Variants in PCDHGA6 observed in about 807,000 individuals in gnomAD.
PCDHGA6 encodes protocadherin gamma-A6.
In PCDHGA6, 41 loss-of-function variants were observed where a neutral mutation model predicts 60.6. That is an observed-to-expected ratio of 0.68 (90% CI 0.53 to 0.88). PCDHGA6 has a LOEUF of 0.88. Among genes scored for constraint, PCDHGA6 ranks in the 40% least tolerant of loss-of-function variants. The probability of loss-of-function intolerance (pLI) is 0.00; values close to 1 mark genes in which losing one functional copy is unlikely to be tolerated. For synonymous variants in PCDHGA6, 594 were observed against 524.4 expected (o/e 1.13, Z -1.81); for missense variants, 1,312 against 1,203.0 (o/e 1.09, Z -1.34).
At chr5:141,381,878 G>A (rs1777712402) in intron 1 of PCDHGA6, among the ~76,000 whole-genome samples, 2 of 129,172 alleles carry the variant, frequency 1.5e-5, no homozygotes, top group South Asian at 4.9e-4. Flanking sequence ...TGTCCAGGCT[G>A]GAGTGCAATG....
rs1427742903 is a variant in PCDHGA6 at position 141,477,916 on chromosome 5, A to G, written c.2425-16891A>G. On this transcript the variant is annotated intron_variant, in intron 1 of 3. Coordinates refer to ENST00000517434, the MANE Select transcript of PCDHGA6 (RefSeq NM_018919.3). This position sits in a 1 kb window ranked among gnomAD's most constrained non-coding sequence, Gnocchi z 4.9. ...GGGTGGTAGGCTGGGACGCGGATGC[A>G]GGGCACAATGCCTGGCTCTCCTACA... The G allele has an allele frequency of 1.2e-6, 2 of 1,614,042 alleles. No homozygotes were observed. The highest frequency in any genetic ancestry group is 2.7e-5 in the African/African-American group (2 of 74,932).
chr5:141,455,093 T>C (rs2098812615), intron 1 of PCDHGA6, among the ~76,000 whole-genome samples: 1 of 152,060 alleles, frequency 6.6e-6, no homozygotes, highest in African/African-American at 2.4e-5. Context: ...ATTACAGGCT[T>C]GAGCCACTGC....
rs199507728 is a variant in PCDHGA6, at chr5:141,422,807, G to A, written c.2424+46300G>A. On this transcript the variant is annotated intron_variant, in intron 1 of 3. Coordinates refer to ENST00000517434, the MANE Select transcript of PCDHGA6 (RefSeq NM_018919.3). ...CAATCCTTCGACTATGAGCAGTTTC[G>A]AGACTTAGAACTGAGAGTGATAGCA... 1.9e-3 allele frequency: 3,146 copies of A among 1,614,198 alleles called. 36 individuals are homozygous for A. The highest frequency in any genetic ancestry group is 0.018 in the South Asian group (1,680 of 91,084).
At chr5:141,467,920 A>G (rs1244280087) in intron 1 of PCDHGA6, among the ~76,000 whole-genome samples, 1 of 152,124 alleles carries the variant, frequency 6.6e-6, no homozygotes, top group Non-Finnish European at 1.5e-5. Flanking sequence ...CAGCCTCCCA[A>G]AATGCTAGGA....
intron 1 of PCDHGA6, chr5:141,392,892 G>A (rs2092623669): frequency 6.2e-7 from 1 of 1,613,702 alleles, no homozygotes; most frequent in Non-Finnish European, 8.5e-7. Context: ...GTGGGAAATC[G>A]GGAGGGGACA....
At position 141,431,416 on chromosome 5, in the gene PCDHGA6, C is replaced by T. The variant is rs778722151; in HGVS notation, c.2424+54909C>T. Reference sequence around the variant, plus strand: ...TCCTTACGGCCTCCGACGGGGGCGACCCGGTGCGCACAGGCACCGCGCGCA... The same window carrying T: ...TCCTTACGGCCTCCGACGGGGGCGATCCGGTGCGCACAGGCACCGCGCGCA... On this transcript the variant is annotated intron_variant, in intron 1 of 3. Transcript: ENST00000517434. This position sits in a 1 kb window ranked among gnomAD's most constrained non-coding sequence, Gnocchi z 4.8. 2.5e-6 allele frequency: 4 copies of T among 1,613,714 alleles called. No homozygotes were observed. Among genetic ancestry groups the T allele is most frequent in the Admixed American group, 1.7e-5 (1 of 60,028 alleles).
chr5:141,400,322 G>T lies in PCDHGA6; in HGVS notation c.2424+23815G>T, dbSNP rs1025265322. The stretch of plus-strand genomic sequence containing the variant: ...CAACCTGGTCTCTGTGTCAAGTCTG[G>T]ACCTGTGGTTCCCCCCAACTACAGT... On this transcript the variant is annotated intron_variant, in intron 1 of 3. Transcript: ENST00000517434. 1.9e-6 allele frequency: 3 copies of T among 1,613,952 alleles called. No homozygotes were observed. In the African/African-American group the frequency reaches 4.0e-5, roughly 22 times the overall value.
In PCDHGA6 at chr5:141,512,009, CAAGTT is replaced by C. The variant is rs1409890580; in HGVS notation, c.*838_*842del. On this transcript the variant is annotated 3_prime_UTR_variant, in exon 4 of 4. Transcript: ENST00000517434. ...GGGGCATGGACAAAGCTTGACACATCAAGTTATCAAGGCCTTGGAGGAGGCTCTGT... is the reference window on the plus strand; with the variant it reads ...GGGGCATGGACAAAGCTTGACACATCATCAAGGCCTTGGAGGAGGCTCTGT... 1 of 153,074 alleles carries C rather than the reference CAAGTT, an allele frequency of 6.5e-6. No individual in the cohort carries two copies. The highest frequency in any genetic ancestry group is 1.9e-4 in the East Asian group (1 of 5,182). 9.5% of individuals were successfully genotyped at this position (153,074 alleles called of 1,614,324 possible).
chr5:141,409,004 G>A, intron 1 of PCDHGA6: 3 of 1,614,004 alleles, frequency 1.9e-6, no homozygotes, highest in Non-Finnish European at 1.7e-6. Context: ...GACAGCCACT[G>A]ACCAGGATGA....
intron 1 of PCDHGA6, among the ~76,000 whole-genome samples, chr5:141,433,837 C>CAAAAAAAA (rs56191208): frequency 1.9e-4 from 21 of 111,692 alleles, no homozygotes; most frequent in Admixed American, 5.9e-4. Context: ...AACTCTATCT[C>CAAAAAAAA]AAAAAAAAAA....
chr5:141,448,464 T>C lies in PCDHGA6; in HGVS notation c.2425-46343T>C, dbSNP rs186054602. Among the ~76,000 whole-genome samples the C allele has an allele frequency of 2.6e-3, 402 of 152,296 alleles. 10 individuals are homozygous for C. The highest frequency in any genetic ancestry group is 0.023 in the Admixed American group (357 of 15,282). ...CTGACTTCCATCCCTATCCTACTCCTATTCCACCCTTGCTTCCTCCTGTCC... is the reference window on the plus strand; with the variant it reads ...CTGACTTCCATCCCTATCCTACTCCCATTCCACCCTTGCTTCCTCCTGTCC... On this transcript the variant is annotated intron_variant, in intron 1 of 3. Transcript: ENST00000517434.
chr5:141,467,923 T>C lies in PCDHGA6; in HGVS notation c.2425-26884T>C, dbSNP rs190816380. Among the ~76,000 whole-genome samples the C allele has an allele frequency of 3.9e-3, 588 of 151,590 alleles. 5 individuals carry two copies. Among genetic ancestry groups the C allele is most frequent in the Admixed American group, 0.011 (168 of 15,214 alleles). ...ATCCGCCCACCTCAGCCTCCCAAAA[T>C]GCTAGGATTACAAGCATGAGCCACC... On this transcript the variant is annotated intron_variant, in intron 1 of 3. Coordinates refer to ENST00000517434, the MANE Select transcript of PCDHGA6 (RefSeq NM_018919.3).
chr5:141,428,117 G>A lies in PCDHGA6; in HGVS notation c.2424+51610G>A, dbSNP rs980705077. 5 of 1,606,984 alleles carry A rather than the reference G, an allele frequency of 3.1e-6. No individual in the cohort carries two copies. The African/African-American group carries it at 6.7e-5, about 21-fold the overall frequency. Reference sequence around the variant, plus strand: ...CCTACCACGTGCTGCAGGCCATCGAGCCCGGGCTTTTCAGCCTGGGGCTGC... The same window carrying A: ...CCTACCACGTGCTGCAGGCCATCGAACCCGGGCTTTTCAGCCTGGGGCTGC... On this transcript the variant is annotated intron_variant, in intron 1 of 3. Coordinates refer to ENST00000517434, the MANE Select transcript of PCDHGA6 (RefSeq NM_018919.3).
intron 1 of PCDHGA6, among the ~76,000 whole-genome samples, chr5:141,450,363 T>C (rs2098678373): frequency 6.6e-6 from 1 of 152,162 alleles, no homozygotes; most frequent in Admixed American, 6.5e-5. Flanking sequence ...TTCCTCAGCC[T>C]TGTTTGTTTA....
intron 1 of PCDHGA6, chr5:141,405,033 T>C (rs753061273): frequency 6.8e-6 from 11 of 1,613,844 alleles, no homozygotes; most frequent in Admixed American, 1.7e-5. Context: ...CTCTACCTCG[T>C]TGTGGCTGTG....
chr5:141,388,412 T>A, intron 1 of PCDHGA6: 1 of 1,613,870 alleles, frequency 6.2e-7, no homozygotes, highest in Non-Finnish European at 8.5e-7. Context: ...GTCCCAGTGA[T>A]CATTTCTCAC....
chr5:141,413,804 C>A, intron 1 of PCDHGA6: 7 of 1,613,194 alleles, frequency 4.3e-6, no homozygotes, highest in Non-Finnish European at 5.9e-6. Context: ...GAGGAAGAGG[C>A]CATTCACCAC....
chr5:141,408,358 G>C, intron 1 of PCDHGA6: 1 of 1,613,952 alleles, frequency 6.2e-7, no homozygotes, highest in South Asian at 1.1e-5. Context: ...ACCTCGCTAA[G>C]GATCTAGGGC....
chr5:141,427,782 T>G, intron 1 of PCDHGA6: 1 of 1,459,986 alleles, frequency 6.8e-7, no homozygotes, highest in Middle Eastern at 1.7e-4. Context: ...GCGGGCACTG[T>G]CGTCCTACGT....
Sources: allele counts gnomAD v4.1 joint callset (sites outside exome capture counted in the v4.1 genomes callset), GRCh38; gene constraint gnomAD v4.1.1; non-coding constraint Gnocchi (gnomAD v3.1); transcripts MANE v1.5; gene names NCBI Gene and HGNC (gene_info 2026-07-23, HGNC 2026-07-21).